Variants in PAX3 observed in about 807,000 individuals in gnomAD.
The protein encoded by PAX3 is paired box 3, also known as paired box protein Pax-3.
PAX3 carries 14 observed loss-of-function variants against 51.6 expected under a neutral mutation model. The observed-to-expected ratio is 0.27, with a 90% CI of 0.18 to 0.42. The LOEUF (loss-of-function observed/expected upper bound fraction) is 0.42, where lower values mean the gene tolerates loss of function less well. Ranked by LOEUF, PAX3 falls within the 10% of genes least tolerant of loss-of-function variation. PAX3 has a pLI of 1.00. For synonymous variants in PAX3, 280 were observed against 253.4 expected, an observed-to-expected ratio of 1.11 and a Z score of -1.00; for missense variants, 540 against 642.8, an observed-to-expected ratio of 0.84 and a Z score of 1.73.
At position 222,286,135 on chromosome 2, in the gene PAX3, A is replaced by C. The variant is rs371609418; in HGVS notation, c.586+8032T>G. Reference sequence around the variant, plus strand: ...ATATTTTTAGTAGAGACAAGGTTTCATCATGTTGGCCAGGCTGGTCTCAAA... The same window carrying C: ...ATATTTTTAGTAGAGACAAGGTTTCCTCATGTTGGCCAGGCTGGTCTCAAA... On this transcript the variant is annotated intron_variant, in intron 4 of 8. Coordinates refer to ENST00000392070, the MANE Select transcript of PAX3 (RefSeq NM_181458.4). Among the ~76,000 whole-genome samples, 92 of 152,278 alleles carry C rather than the reference A, an allele frequency of 6.0e-4. 1 individual carries two copies. The South Asian group carries it at 0.01, about 17-fold the overall frequency.
intron 7 of PAX3, among the ~76,000 whole-genome samples, chr2:222,216,431 C>T (rs1292305073): frequency 1.3e-5 from 2 of 152,190 alleles, no homozygotes; most frequent in African/African-American, 2.4e-5. Flanking sequence ...GGAACGACAT[C>T]AGAGTTTCTA....
chr2:222,279,304 C>CGTGTGTGTGTGTGTGTGTGT (rs57076966), intron 4 of PAX3, among the ~76,000 whole-genome samples: 6 of 148,034 alleles, frequency 4.1e-5, no homozygotes, highest in Admixed American at 2.1e-4. Flanking sequence ...CAAGCCTGTG[C>CGTGTGTGTGTGTGTGTGTGT]GTGTGTGTGT....
chr2:222,289,928 C>G (rs564324921), intron 4 of PAX3, among the ~76,000 whole-genome samples: 2 of 152,316 alleles, frequency 1.3e-5, no homozygotes, highest in South Asian at 4.1e-4. Flanking sequence ...AAGTCAAATT[C>G]GTGATCCTAA....
intron 7 of PAX3, among the ~76,000 whole-genome samples, chr2:222,214,020 G>A (rs1691854782): frequency 1.3e-5 from 2 of 152,160 alleles, no homozygotes; most frequent in South Asian, 4.1e-4. Flanking sequence ...AAATGAAACA[G>A]AGAAGTACCC....
chr2:222,280,708 G>C (rs1039213181), intron 4 of PAX3, among the ~76,000 whole-genome samples: 4 of 152,144 alleles, frequency 2.6e-5, no homozygotes, highest in African/African-American at 9.7e-5. Flanking sequence ...AAGACCCAGA[G>C]GAGCCAAGGC....
At position 222,295,621 on chromosome 2, in the gene PAX3, C is replaced by T; in HGVS notation, c.358G>A (p.Glu120Lys). The T allele has an allele frequency of 6.2e-7, 1 of 1,614,184 alleles. No individual in the cohort carries two copies. The change falls in exon 3 of 9, where the codon GAA becomes AAA. Residue 120 changes from glutamate (E) to lysine (K), a missense_variant. By Grantham distance (56) the Glu-to-Lys change is moderately conservative (BLOSUM62 1). Coordinates refer to ENST00000392070, the MANE Select transcript of PAX3 (RefSeq NM_181458.4). ...ATGCCCGGGTTCTCTCTTTTGTATT[C>T]CTCAATTTTCTTCTCCACGTCAGGC... Reference protein sequence around the residue: ...TTPDVEKKIEEYKRENPGMFS... With the variant: ...TTPDVEKKIEKYKRENPGMFS...
intron 7 of PAX3, among the ~76,000 whole-genome samples, chr2:222,219,909 AG>A (rs1692117425): frequency 6.6e-6 from 1 of 152,338 alleles, no homozygotes; most frequent in Non-Finnish European, 1.5e-5. Flanking sequence ...ATGAACACAA[AG>A]TCTCCAAGAT....
intron 2 of PAX3, 69 bp downstream of exon 2, chr2:222,296,909 C>T: frequency 7.5e-7 from 1 of 1,332,510 alleles, no homozygotes; most frequent in Non-Finnish European, 1.1e-6. Context: ...GCCGTTACCC[C>T]CCGCCCGGTC....
chr2:222,208,664 C>T (rs1033606224), intron 7 of PAX3, among the ~76,000 whole-genome samples: 1 of 152,262 alleles, frequency 6.6e-6, no homozygotes, highest in Admixed American at 6.5e-5. Context: ...CCCTCTAAAG[C>T]GCGTGTGCTC....
intron 4 of PAX3, among the ~76,000 whole-genome samples, chr2:222,247,262 G>C (rs975942318): frequency 2.0e-5 from 3 of 152,198 alleles, no homozygotes; most frequent in African/African-American, 7.2e-5. Flanking sequence ...GAATGGCTGA[G>C]TTTAAGCCTC....
chr2:222,229,413 T>C (rs1049215866), intron 5 of PAX3, among the ~76,000 whole-genome samples: 2 of 152,164 alleles, frequency 1.3e-5, no homozygotes, highest in East Asian at 3.8e-4. Flanking sequence ...CCAATGATAA[T>C]AGGTTTCCCA....
At chr2:222,241,818 C>T (rs1275062832) in intron 4 of PAX3, among the ~76,000 whole-genome samples, 1 of 152,176 alleles carries the variant, frequency 6.6e-6, no homozygotes, top group African/African-American at 2.4e-5. Flanking sequence ...TTTTTAATCT[C>T]TCACAATTAA....
intron 4 of PAX3, among the ~76,000 whole-genome samples, chr2:222,282,869 T>A (rs1694694341): frequency 6.6e-6 from 1 of 152,278 alleles, no homozygotes. Context: ...GTAGTCATTG[T>A]TAGCAGAACA....
chr2:222,201,670 A>T (rs1424075401), intron 8 of PAX3: 2 of 1,395,530 alleles, frequency 1.4e-6, no homozygotes, highest in Non-Finnish European at 1.9e-6. Context: ...AATGTCAGGG[A>T]TTATTTCATT....
chr2:222,298,974 C>A lies in PAX3; in HGVS notation c.-359G>T, dbSNP rs45501095. ...AGGCTGGAGCGCGGCCTGCCTGAGT[C>A]TCCTCCTGTGGTGACACCGAGTGCG... On this transcript the variant is annotated 5_prime_UTR_variant, in exon 1 of 9. Coordinates refer to ENST00000392070, the MANE Select transcript of PAX3 (RefSeq NM_181458.4). The A allele has an allele frequency of 2.4e-4, 105 of 446,462 alleles. No individual in the cohort carries two copies. In the East Asian group the frequency reaches 3.2e-3, roughly 14 times the overall value. The allele number at this position is 446,462 out of a possible 1,614,324, so 27.7% of individuals were successfully genotyped here.
intron 4 of PAX3, among the ~76,000 whole-genome samples, chr2:222,251,637 G>T (rs1462393268): frequency 6.6e-6 from 1 of 152,126 alleles, no homozygotes; most frequent in Admixed American, 6.5e-5. Context: ...TAATGGGATG[G>T]CTGGGTCAAA....
At chr2:222,236,753 C>T (rs1412939867) in intron 4 of PAX3, among the ~76,000 whole-genome samples, 3 of 152,108 alleles carry the variant, frequency 2.0e-5, no homozygotes, top group Non-Finnish European at 4.4e-5. Context: ...TACTGTACAA[C>T]TTTAATATTA....
rs775433032 is a variant in PAX3, at chr2:222,232,187, G to A, written c.683C>T (p.Ala228Val). ...KQRRSRTTFTAEQLEELERAF... is the reference protein window; with the variant it reads ...KQRRSRTTFTVEQLEELERAF... Reference sequence around the variant, plus strand: ...ACGCTCCAGTTCCTCCAGCTGTTCTGCTGTGAAGGTGGTTCGGCTTCTGCG... The same window carrying A: ...ACGCTCCAGTTCCTCCAGCTGTTCTACTGTGAAGGTGGTTCGGCTTCTGCG... Residue 228 changes from alanine to valine, a missense_variant, in exon 5 of 9, where the codon GCA becomes GTA. This residue lies in a region of PAX3 where 427 missense variants were observed against 483.6 expected (regional missense o/e 0.88). Transcript: ENST00000392070. 1.5e-5 allele frequency: 25 copies of A among 1,613,968 alleles called. No individual in the cohort carries two copies. The highest frequency in any genetic ancestry group is 2.5e-6 in the Non-Finnish European group (3 of 1,179,962).
intron 4 of PAX3, among the ~76,000 whole-genome samples, chr2:222,285,928 G>A (rs1381570032): frequency 1.3e-5 from 2 of 152,106 alleles, no homozygotes; most frequent in African/African-American, 4.8e-5. Flanking sequence ...CTGTCACAAA[G>A]CATTTTGATC....
Sources: gnomAD v4.1 joint callset for allele counts (sites outside exome capture counted in the v4.1 genomes callset) on GRCh38, gnomAD v4.1.1 for gene constraint, gnomAD v4.1.1 regional missense constraint, MANE v1.5 for transcripts, NCBI Gene and HGNC (gene_info 2026-07-23, HGNC 2026-07-21) for gene names.